Variants in RNF115 observed in about 807,000 individuals in gnomAD.
RNF115 encodes ring finger protein 115.
Under a neutral mutation model 39.2 loss-of-function variants are expected in RNF115, and 31 were observed. That is an observed-to-expected ratio of 0.79 (90% CI 0.59 to 1.07). RNF115 has a LOEUF of 1.07. RNF115 is among the 50% of genes least tolerant of loss of function. The pLI is 0.00. For missense variants in RNF115, 384 were observed against 381.7 expected (o/e 1.01, Z -0.05); for synonymous variants, 124 against 131.0 (o/e 0.95, Z 0.37).
At chr1:145,747,054 T>A in intron 8 of RNF115, 57 bp from the exon 9 acceptor site, 1 of 1,534,538 alleles carries the variant, frequency 6.5e-7, no homozygotes, top group Non-Finnish European at 8.9e-7. Flanking sequence ...GCTGGGAGTA[T>A]TGTACACTTA....
chr1:145,750,295 AT>A (rs782247516), intron 7 of RNF115, 111 bp downstream of exon 7: 128 of 853,458 alleles, frequency 1.5e-4, no homozygotes, highest in Non-Finnish European at 2.2e-4. Context: ...TTTTTTTCTT[AT>A]TTTTTTGTCT....
chr1:145,784,099 C>T (rs1156555294), intron 3 of RNF115, among the ~76,000 whole-genome samples: 3 of 152,072 alleles, frequency 2.0e-5, no homozygotes, highest in Non-Finnish European at 4.4e-5. Context: ...AGAGGTAAGC[C>T]CTGGAAATCA....
chr1:145,793,867 G>T (rs1648803893), intron 1 of RNF115, among the ~76,000 whole-genome samples: 1 of 137,816 alleles, frequency 7.3e-6, no homozygotes, highest in Non-Finnish European at 1.5e-5. Flanking sequence ...TTTTTGAGAC[G>T]AAGTCTCGCT....
At chr1:145,814,653 C>T (rs1436028952) in intron 1 of RNF115, among the ~76,000 whole-genome samples, 3 of 151,842 alleles carry the variant, frequency 2.0e-5, no homozygotes, top group Non-Finnish European at 2.9e-5. Flanking sequence ...GTACTTCCCC[C>T]GAAAATACAA....
intron 4 of RNF115, among the ~76,000 whole-genome samples, chr1:145,759,712 C>A (rs1318725187): frequency 1.3e-5 from 2 of 152,146 alleles, no homozygotes; most frequent in African/African-American, 4.8e-5. Flanking sequence ...ATAAATGACA[C>A]CTAACTCTCC....
intron 4 of RNF115, among the ~76,000 whole-genome samples, chr1:145,769,877 C>T (rs1647556600): frequency 6.6e-6 from 1 of 151,810 alleles, no homozygotes; most frequent in Admixed American, 6.6e-5. Flanking sequence ...CGTGGTGGCA[C>T]ATGCTTGTAG....
At chr1:145,801,999 G>A (rs760913391) in intron 1 of RNF115, among the ~76,000 whole-genome samples, 4 of 152,116 alleles carry the variant, frequency 2.6e-5, no homozygotes, top group Admixed American at 2.0e-4. Context: ...TGTTGCCCAA[G>A]CTAGTCTCGA....
At chr1:145,792,326 C>T (rs1648712720) in intron 1 of RNF115, among the ~76,000 whole-genome samples, 1 of 151,606 alleles carries the variant, frequency 6.6e-6, no homozygotes, top group Admixed American at 6.6e-5. Context: ...GTAATTCAAA[C>T]ACTGAAACAC....
At chr1:145,810,944 C>T (rs1553722430) in intron 1 of RNF115, among the ~76,000 whole-genome samples, 3 of 149,390 alleles carry the variant, frequency 2.0e-5, no homozygotes, top group Non-Finnish European at 4.4e-5. Context: ...CGGTTCACTA[C>T]AGCCTTGACC....
intron 3 of RNF115, among the ~76,000 whole-genome samples, chr1:145,780,448 G>A (rs994315628): frequency 4.0e-5 from 6 of 151,534 alleles, no homozygotes; most frequent in Non-Finnish European, 5.9e-5. Context: ...GTGAAACCCC[G>A]TCTCTACTAA....
chr1:145,795,404 A>G (rs1648930136), intron 1 of RNF115, among the ~76,000 whole-genome samples: 1 of 151,852 alleles, frequency 6.6e-6, no homozygotes, highest in African/African-American at 2.4e-5. Context: ...TTATTCCCTT[A>G]TTTGTCCCCG....
chr1:145,807,906 T>C (rs1327852911), intron 1 of RNF115, among the ~76,000 whole-genome samples: 3 of 152,158 alleles, frequency 2.0e-5, no homozygotes, highest in Non-Finnish European at 4.4e-5. Context: ...TGAAATCAAC[T>C]TTTTTAGCTC....
Position 145,771,820 on chromosome 1 carries a change from G to C in RNF115, c.319C>G (p.His107Asp). 6.2e-7 allele frequency: 1 copy of C among 1,614,034 alleles called. No homozygotes were observed. The highest frequency in any genetic ancestry group is 1.1e-5 in the South Asian group (1 of 91,076). ...CCCCAGAAGTCAGTGTGAGTCTGGT[G>C]ACCCCTTTCATTGGCTCTATTATCT... ...DQDNRANERGHQTHTDFWGAR... is the reference protein window; with the variant it reads ...DQDNRANERGDQTHTDFWGAR... The change falls in exon 4 of 9, where the codon CAC becomes GAC. Residue 107 changes from histidine to aspartate, a missense_variant. By Grantham distance (81) the His-to-Asp change is moderately conservative (BLOSUM62 -1). Coordinates refer to ENST00000582693, the MANE Select transcript of RNF115 (RefSeq NM_014455.4).
In RNF115 at chr1:145,752,968, A is replaced by T; in HGVS notation, c.500+10T>A. 2 of 1,560,526 alleles carry T rather than the reference A, an allele frequency of 1.3e-6. No individual in the cohort carries two copies. The highest frequency in any genetic ancestry group is 1.8e-6 in the Non-Finnish European group (2 of 1,131,824). ...CAATAGAGTAAGATAGAAAACAATT[A>T]GTTACTTACCAGGAAAAAGGGTGTG... On this transcript the variant is annotated intron_variant, in intron 5 of 8. Coordinates refer to ENST00000582693, the MANE Select transcript of RNF115 (RefSeq NM_014455.4).
chr1:145,807,875 T>C (rs1263879659), intron 1 of RNF115, among the ~76,000 whole-genome samples: 1 of 152,162 alleles, frequency 6.6e-6, no homozygotes, highest in Non-Finnish European at 1.5e-5. Context: ...GCCTCAGATA[T>C]CATTCCATTC....
At chr1:145,795,293 G>C (rs587775917) in intron 1 of RNF115, among the ~76,000 whole-genome samples, 1 of 152,114 alleles carries the variant, frequency 6.6e-6, no homozygotes, top group African/African-American at 2.4e-5. Context: ...GACCCAAAGA[G>C]TGAGCAGCAG....
At chr1:145,762,940 T>C (rs587614853) in intron 4 of RNF115, among the ~76,000 whole-genome samples, 5 of 152,220 alleles carry the variant, frequency 3.3e-5, no homozygotes, top group Non-Finnish European at 7.4e-5. Context: ...CACTTATACA[T>C]GGGAACTAAA....
intron 4 of RNF115, among the ~76,000 whole-genome samples, chr1:145,768,603 C>T (rs1647491456): frequency 2.0e-5 from 3 of 152,080 alleles, no homozygotes; most frequent in Non-Finnish European, 4.4e-5. Context: ...TGTGAGCCAC[C>T]GCACCCGGCC....
chr1:145,800,779 A>G (rs1553720779), intron 1 of RNF115, among the ~76,000 whole-genome samples: 1 of 152,246 alleles, frequency 6.6e-6, no homozygotes, highest in Non-Finnish European at 1.5e-5. Flanking sequence ...ATCCACAGAA[A>G]CATGAGAGAT....
Sources: allele counts gnomAD v4.1 joint callset (sites outside exome capture counted in the v4.1 genomes callset), GRCh38; gene constraint gnomAD v4.1.1; transcripts MANE v1.5; gene names NCBI Gene and HGNC (gene_info 2026-07-23, HGNC 2026-07-21).